ZNF579: variants seen among roughly 807,000 people sequenced by gnomAD.
The protein encoded by ZNF579 is zinc finger protein 579.
Under a neutral mutation model 5.7 loss-of-function variants are expected in ZNF579, and 3 were observed. That is an observed-to-expected ratio of 0.53 (90% confidence interval 0.24 to 1.36). The LOEUF (loss-of-function observed/expected upper bound fraction) is 1.36, where lower values mean the gene tolerates loss of function less well. Among genes scored for constraint, ZNF579 ranks in the 40% most tolerant of loss-of-function variants. The probability of loss-of-function intolerance (pLI) is 0.16; values close to 1 mark genes in which losing one functional copy is unlikely to be tolerated. For missense variants in ZNF579, 679 were observed against 877.6 expected, an observed-to-expected ratio of 0.77 and a Z score of 2.86; for synonymous variants, 454 against 409.0, an observed-to-expected ratio of 1.11 and a Z score of -1.33.
chr19:55,579,956 G>T, intron 1 of ZNF579: 1 of 309,090 alleles, frequency 3.2e-6, no homozygotes, highest in Non-Finnish European at 5.9e-6. Context: ...ACAGGATGGT[G>T]AAAGGCAGAG....
At chr19:55,580,195 TC>T (rs1325458540) in intron 1 of ZNF579, among the ~76,000 whole-genome samples, 1 of 151,320 alleles carries the variant, frequency 6.6e-6, no homozygotes. Context: ...CTGCTCCAGG[TC>T]CCCCGGCCAG....
rs1418875782 is a variant in ZNF579 at position 55,579,108 on chromosome 19, C to T, written c.532G>A (p.Glu178Lys). The change falls in exon 2 of 2, where the codon GAG becomes AAG. Residue 178 changes from glutamate to lysine, a missense_variant. Glu to Lys is a moderately conservative substitution (Grantham distance 56). This residue lies in a region of ZNF579 where 209 missense variants were observed against 223.4 expected (regional missense o/e 0.94). Transcript: ENST00000325421. ...GTGGGCGCAGCCAGCGTGGAAGGCT[C>T]CCCCGCAGGCCACGTCTCAGGCCAC... The part of the protein sequence containing the change: ...AAWPETWPAG[E>K]PSTLAAPTSA... 6.5e-7 allele frequency: 1 copy of T among 1,526,942 alleles called. No homozygotes were observed. Among genetic ancestry groups the T allele is most frequent in the East Asian group, 2.5e-5 (1 of 40,122 alleles). 94.6% of individuals were successfully genotyped at this position (1,526,942 alleles called of 1,614,324 possible).
chr19:55,578,398 G>A lies in ZNF579; in HGVS notation c.1242C>T (p.Cys414=). 3 of 1,475,266 alleles carry A rather than the reference G, an allele frequency of 2.0e-6. No homozygotes were observed. The highest frequency in any genetic ancestry group is 1.3e-5 in the South Asian group (1 of 78,064). The allele number at this position is 1,475,266 out of a possible 1,614,324, so 91.4% of individuals were successfully genotyped here. A position where few individuals can be genotyped will look rare whatever the true frequency, so the allele number is the denominator to read the frequency against. ...VTHSGARPFQ[C]VRCQREFKRL... is the part of the protein sequence containing the mutation. ...GCTTGAACTCCCGCTGGCAGCGCAC[G>A]CACTGGAAGGGGCGCGCTCCCGAGT... Residue 414 remains cysteine (C), a synonymous_variant, in exon 2 of 2, where the codon TGC becomes TGT. Coordinates refer to ENST00000325421, the MANE Select transcript of ZNF579 (RefSeq NM_152600.3).
chr19:55,580,214 G>A (rs1468187409), intron 1 of ZNF579, among the ~76,000 whole-genome samples: 1 of 152,080 alleles, frequency 6.6e-6, no homozygotes, highest in Admixed American at 6.6e-5. Flanking sequence ...CAGGCTGAAC[G>A]TTTTGGGAGG....
At chr19:55,579,740 G>A in intron 1 of ZNF579, 99 bp from the exon 2 acceptor site, 1 of 1,258,198 alleles carries the variant, frequency 7.9e-7, no homozygotes. Context: ...GAGATGGAGA[G>A]GCAGAGAGGG....
At position 55,577,890 on chromosome 19, in the gene ZNF579, C is replaced by G; in HGVS notation, c.*61G>C. ...CAGAGGAGGTGGCTCCTTCAACTTC[C>G]CTCCTCCATTCTGCAAACCGGGGAG... On this transcript the variant is annotated 3_prime_UTR_variant, in exon 2 of 2. Coordinates refer to ENST00000325421, the MANE Select transcript of ZNF579 (RefSeq NM_152600.3). 1 of 1,540,322 alleles carries G rather than the reference C, an allele frequency of 6.5e-7. No individual in the cohort carries two copies. Among genetic ancestry groups the G allele is most frequent in the Non-Finnish European group, 8.7e-7 (1 of 1,145,862 alleles).
rs1979473265 is a variant in ZNF579 at position 55,578,453 on chromosome 19, C to T, written c.1187G>A (p.Arg396Gln). The T allele has an allele frequency of 1.4e-6, 2 of 1,463,672 alleles. No individual in the cohort carries two copies. Among genetic ancestry groups the T allele is most frequent in the South Asian group, 2.7e-5 (2 of 75,112 alleles). The allele number at this position is 1,463,672 out of a possible 1,614,324, so 90.7% of individuals were successfully genotyped here. Residue 396 changes from arginine to glutamine, a missense_variant, in exon 2 of 2, where the codon CGG becomes CAG. By Grantham distance (43) the Arg-to-Gln change is conservative. Transcript: ENST00000325421. ...CPECGKGFRR[R>Q]AHLRQHGVTH... ...CACCCCGTGCTGCCGCAGGTGCGCC[C>T]GGCGCCTGAAACCTTTGCCGCACTC...
Position 55,578,472 on chromosome 19 carries a change from C to T in ZNF579, c.1168G>A (p.Gly390Ser), listed in dbSNP as rs1979473792. The change falls in exon 2 of 2, where the codon GGC becomes AGC. Residue 390 changes from glycine (G) to serine (S), a missense_variant. By Grantham distance (56) the Gly-to-Ser change is moderately conservative. Around this residue, in one of 6 missense-constraint regions of ZNF579, gnomAD observed 68 missense variants for 154.2 expected, o/e 0.44. Coordinates refer to ENST00000325421, the MANE Select transcript of ZNF579 (RefSeq NM_152600.3). ...TGCGCCCGGCGCCTGAAACCTTTGC[C>T]GCACTCTGGGCACCAGAAGCGGGGC... ...GEPRFWCPECGKGFRRRAHLR... is the reference protein window; with the variant it reads ...GEPRFWCPECSKGFRRRAHLR... 1 of 1,449,096 alleles carries T rather than the reference C, an allele frequency of 6.9e-7. No individual in the cohort carries two copies. The highest frequency in any genetic ancestry group is 9.0e-7 in the Non-Finnish European group (1 of 1,111,716). The allele number at this position is 1,449,096 out of a possible 1,614,324, so 89.8% of individuals were successfully genotyped here. A position where few individuals can be genotyped will look rare whatever the true frequency, so the allele number is the denominator to read the frequency against.
At position 55,579,123 on chromosome 19, in the gene ZNF579, T is replaced by A. The variant is rs1979531236; in HGVS notation, c.517A>T (p.Thr173Ser). ...GTGGAAGGCTCCCCCGCAGGCCACGTCTCAGGCCACGCTGCGACCGCCTCC... is the reference window on the plus strand; with the variant it reads ...GTGGAAGGCTCCCCCGCAGGCCACGACTCAGGCCACGCTGCGACCGCCTCC... ...EEEAVAAWPE[T>S]WPAGEPSTLA... is the part of the protein sequence containing the mutation. The change falls in exon 2 of 2, where the codon ACG (threonine) becomes TCG (serine). Residue 173 changes from threonine (T) to serine (S), a missense_variant. Coordinates refer to ENST00000325421, the MANE Select transcript of ZNF579 (RefSeq NM_152600.3). 1.3e-6 allele frequency: 2 copies of A among 1,526,126 alleles called. No individual in the cohort carries two copies. The highest frequency in any genetic ancestry group is 2.8e-5 in the African/African-American group (2 of 71,670). 94.5% of individuals were successfully genotyped at this position (1,526,126 alleles called of 1,614,324 possible).
chr19:55,580,689 G>C lies in ZNF579; in HGVS notation c.-3+106C>G, dbSNP rs1349921992. 5 of 152,490 alleles carry C rather than the reference G, an allele frequency of 3.3e-5. No individual in the cohort carries two copies. In the East Asian group the frequency reaches 9.7e-4, roughly 30 times the overall value. 9.4% of individuals were successfully genotyped at this position (152,490 alleles called of 1,614,324 possible). The stretch of plus-strand genomic sequence containing the variant: ...CGATCTCCTCCGGGCCAAGCCTGCA[G>C]CTCCCCGAAGGCATGATCAGCAGAA... On this transcript the variant is annotated intron_variant, in intron 1 of 1. Coordinates refer to ENST00000325421, the MANE Select transcript of ZNF579 (RefSeq NM_152600.3).
Position 55,579,757 on chromosome 19 carries a change from A to G in ZNF579, c.-2-116T>C, listed in dbSNP as rs76925576. On this transcript the variant is annotated intron_variant, in intron 1 of 1. Transcript: ENST00000325421. ...GATGGAGAGGCAGAGAGGGTCAGGT[A>G]TTTAGCCAGGAGAGAGATATGAGAC... The G allele has an allele frequency of 6.9e-3, 8,069 of 1,176,218 alleles. 473 individuals carry two copies. The African/African-American group carries it at 0.12, about 17-fold the overall frequency. 72.9% of individuals were successfully genotyped at this position (1,176,218 alleles called of 1,614,324 possible). A position where few individuals can be genotyped will look rare whatever the true frequency, so the allele number is the denominator to read the frequency against.
chr19:55,577,934 G>C lies in ZNF579; in HGVS notation c.*17C>G. 6.4e-7 allele frequency: 1 copy of C among 1,572,474 alleles called. No homozygotes were observed. Among genetic ancestry groups the C allele is most frequent in the Non-Finnish European group, 8.6e-7 (1 of 1,159,622 alleles). On this transcript the variant is annotated 3_prime_UTR_variant, in exon 2 of 2. Coordinates refer to ENST00000325421, the MANE Select transcript of ZNF579 (RefSeq NM_152600.3). ...CGGGGAGCTCAGGCGGAGCGGCGGA[G>C]GGCAGGGCGGCGAAGGTCAGGAGGC...
In ZNF579 at chr19:55,577,911, G is replaced by A. The variant is rs909163927; in HGVS notation, c.*40C>T. On this transcript the variant is annotated 3_prime_UTR_variant, in exon 2 of 2. Transcript: ENST00000325421. ...CTTCCCTCCTCCATTCTGCAAACCG[G>A]GGAGCTCAGGCGGAGCGGCGGAGGG... 4 of 1,553,284 alleles carry A rather than the reference G, an allele frequency of 2.6e-6. No homozygotes were observed. The highest frequency in any genetic ancestry group is 2.4e-5 in the East Asian group (1 of 41,720).
chr19:55,579,988 T>A, intron 1 of ZNF579: 1 of 236,622 alleles, frequency 4.2e-6, no homozygotes. Flanking sequence ...CAGAGGAGAG[T>A]GAGGAACACC....
chr19:55,579,577 GC>G lies in ZNF579; in HGVS notation c.62del (p.Gly21AlafsTer44). The G allele has an allele frequency of 2.7e-6, 4 of 1,494,772 alleles. No individual in the cohort carries two copies. Among genetic ancestry groups the G allele is most frequent in the Admixed American group, 4.5e-5 (2 of 44,770 alleles). 92.6% of individuals were successfully genotyped at this position (1,494,772 alleles called of 1,614,324 possible). On this transcript the variant is annotated frameshift_variant, in exon 2 of 2. Transcript: ENST00000325421. LOFTEE classifies it low-confidence loss of function (END_TRUNC). ...GSPPHRGRGR[G>X]RGRGRGRGRG... ...GGCCCCGACCACGGCCTCGGCCACG[GC>G]CCCGGCCTCGGCCACGGTGAGGTGG...
rs1245685147 is a variant in ZNF579 at position 55,579,139 on chromosome 19, G to A, written c.501C>T (p.Val167=). ...AAAGATEEEA[V]AAWPETWPAG... is the part of the protein sequence containing the mutation. ...CAGGCCACGTCTCAGGCCACGCTGC[G>A]ACCGCCTCCTCCTCCGTGGCCCCTG... The change falls in exon 2 of 2, where the codon GTC becomes GTT. Residue 167 remains valine, a synonymous_variant. Transcript: ENST00000325421. 3.9e-6 allele frequency: 6 copies of A among 1,525,080 alleles called. No individual in the cohort carries two copies. Among genetic ancestry groups the A allele is most frequent in the Middle Eastern group, 2.1e-4 (1 of 4,730 alleles). 94.5% of individuals were successfully genotyped at this position (1,525,080 alleles called of 1,614,324 possible). A position where few individuals can be genotyped will look rare whatever the true frequency, so the allele number is the denominator to read the frequency against.
In ZNF579 at chr19:55,577,131, GA is replaced by G. The variant is rs966963810; in HGVS notation, c.*819del. 63 of 147,126 alleles carry G rather than the reference GA, an allele frequency of 4.3e-4. No homozygotes were observed. The highest frequency in any genetic ancestry group is 1.1e-3 in the Admixed American group (16 of 14,718). 9.1% of individuals were successfully genotyped at this position (147,126 alleles called of 1,614,324 possible). On this transcript the variant is annotated 3_prime_UTR_variant, in exon 2 of 2. Transcript: ENST00000325421. ...AGAAAGATTATGGAAACTTTTCTGA[GA>G]AAAAAAAAAAGTTATGTTGGACAAT...
chr19:55,580,483 G>T (rs1486293476), intron 1 of ZNF579, among the ~76,000 whole-genome samples: 1 of 142,684 alleles, frequency 7.0e-6, no homozygotes, highest in Non-Finnish European at 1.5e-5. Context: ...AGGAGGTGTG[G>T]ATTCCTGGGT....
Position 55,577,856 on chromosome 19 carries a change from G to T in ZNF579, c.*95C>A. ...AGTGTCAAGGGCGTGAAGGGGACGG[G>T]TGGGTAGACAGAGGAGGTGGCTCCT... On this transcript the variant is annotated 3_prime_UTR_variant, in exon 2 of 2. Transcript: ENST00000325421. 3 of 1,516,666 alleles carry T rather than the reference G, an allele frequency of 2.0e-6. No individual in the cohort carries two copies. Among genetic ancestry groups the T allele is most frequent in the Non-Finnish European group, 2.6e-6 (3 of 1,137,396 alleles). The allele number at this position is 1,516,666 out of a possible 1,614,324, so 94.0% of individuals were successfully genotyped here.
Sources: gnomAD v4.1 joint callset for allele counts (sites outside exome capture counted in the v4.1 genomes callset) on GRCh38, gnomAD v4.1.1 for gene constraint, gnomAD v4.1.1 regional missense constraint, MANE v1.5 for transcripts, NCBI Gene and HGNC (gene_info 2026-07-23, HGNC 2026-07-21) for gene names.